Variants in ZC3H12B observed in about 807,000 individuals in gnomAD.
ZC3H12B encodes probable ribonuclease ZC3H12B.
ZC3H12B carries 7 observed loss-of-function variants against 43.9 expected under a neutral mutation model. The ratio of observed to expected loss-of-function variants is 0.16; its 90% CI spans 0.09 to 0.30. The LOEUF (loss-of-function observed/expected upper bound fraction) is 0.30, where lower values mean the gene tolerates loss of function less well. Among genes scored for constraint, ZC3H12B ranks in the 10% least tolerant of loss-of-function variants. ZC3H12B has a pLI of 1.00. For missense variants in ZC3H12B, 475 were observed against 670.2 expected, an observed-to-expected ratio of 0.71 and a Z score of 3.22; for synonymous variants, 222 against 241.7, an observed-to-expected ratio of 0.92 and a Z score of 0.76.
chrX:65,397,704 C>T (rs2148043875), intron 2 of ZC3H12B, among the ~76,000 whole-genome samples: 2 of 111,750 alleles, frequency 1.8e-5, no homozygotes, highest in East Asian at 5.6e-4. Flanking sequence ...GAAAGCCTTT[C>T]TTCTAAGATC....
chrX:65,108,301 T>C, the ZC3H12B span, among the ~76,000 whole-genome samples: 1 of 112,053 alleles, frequency 8.9e-6, no homozygotes, highest in Non-Finnish European at 1.9e-5. Flanking sequence ...TTTTAATTTT[T>C]TAATTTATTT....
At chrX:65,300,227 C>G in the ZC3H12B span, among the ~76,000 whole-genome samples, 8 of 112,219 alleles carry the variant, frequency 7.1e-5, no homozygotes, top group African/African-American at 2.6e-4. Flanking sequence ...AGTCAAGAAA[C>G]CTGAAAGCCC....
At chrX:65,159,748 C>A in the ZC3H12B span, among the ~76,000 whole-genome samples, 1 of 111,689 alleles carries the variant, frequency 9.0e-6, no homozygotes, top group East Asian at 2.8e-4. Context: ...ATTGAATAAC[C>A]TTTATTTCCT....
the ZC3H12B span, among the ~76,000 whole-genome samples, chrX:65,247,277 A>G: frequency 3.6e-5 from 4 of 112,447 alleles, no homozygotes; most frequent in Admixed American, 1.9e-4. Context: ...GAATGCTTAT[A>G]CACTGTTGGC....
At chrX:65,042,753 A>G in the ZC3H12B span, among the ~76,000 whole-genome samples, 1 of 112,033 alleles carries the variant, frequency 8.9e-6, no homozygotes, top group East Asian at 2.8e-4. Context: ...CTTAAAGAAA[A>G]AAAGAGTTTA....
chrX:65,142,837 T>C, the ZC3H12B span, among the ~76,000 whole-genome samples: 5 of 112,406 alleles, frequency 4.4e-5, no homozygotes, highest in African/African-American at 1.6e-4. Context: ...CTGGGTTCTA[T>C]ATTCTGTTTC....
At chrX:65,054,306 C>T in the ZC3H12B span, among the ~76,000 whole-genome samples, 7 of 111,632 alleles carry the variant, frequency 6.3e-5, no homozygotes, top group Admixed American at 6.6e-4. Context: ...GGAAGGGATC[C>T]AGTTTCAGCT....
chrX:65,181,953 G>A, the ZC3H12B span, among the ~76,000 whole-genome samples: 94 of 111,534 alleles, frequency 8.4e-4, no homozygotes, highest in African/African-American at 2.9e-3. Context: ...ATATGTGCAC[G>A]TATGTCTATT....
intron 3 of ZC3H12B, among the ~76,000 whole-genome samples, chrX:65,468,193 C>A (rs1233772018): frequency 1.8e-5 from 2 of 111,671 alleles, no homozygotes; most frequent in Admixed American, 9.5e-5. Context: ...TTTCCCAGCA[C>A]CAATTATTGA....
chrX:65,126,049 G>GTT, the ZC3H12B span, among the ~76,000 whole-genome samples: 10,176 of 94,577 alleles, frequency 0.11, 1,465 homozygotes, highest in African/African-American at 0.36. Flanking sequence ...TTGTGTGTGT[G>GTT]TTTTTTTTTT....
chrX:65,127,095 A>T, the ZC3H12B span, among the ~76,000 whole-genome samples: 1 of 110,765 alleles, frequency 9.0e-6, no homozygotes, highest in Non-Finnish European at 1.9e-5. Flanking sequence ...TATTAATCAG[A>T]ATTGATTTTC....
chrX:65,156,396 T>C, the ZC3H12B span, among the ~76,000 whole-genome samples: 6 of 111,384 alleles, frequency 5.4e-5, no homozygotes, highest in Admixed American at 5.8e-4. Flanking sequence ...TGTTGTTGTT[T>C]TGGAGACAGA....
At chrX:65,102,965 TG>T in the ZC3H12B span, among the ~76,000 whole-genome samples, 1 of 111,319 alleles carries the variant, frequency 9.0e-6, no homozygotes, top group African/African-American at 3.3e-5. Flanking sequence ...ACAAGGCAGA[TG>T]GGGGCAGAGC....
At chrX:65,166,253 A>C in the ZC3H12B span, among the ~76,000 whole-genome samples, 1 of 110,336 alleles carries the variant, frequency 9.1e-6, no homozygotes, top group Admixed American at 9.7e-5. Flanking sequence ...GTCCAAGTGT[A>C]CTCATTGGTT....
the ZC3H12B span, among the ~76,000 whole-genome samples, chrX:65,268,597 C>T: frequency 8.9e-6 from 1 of 112,561 alleles, no homozygotes; most frequent in South Asian, 3.6e-4. Flanking sequence ...TGCAAGGCTG[C>T]ATTAACATAT....
upstream of ZC3H12B, among the ~76,000 whole-genome samples, chrX:65,361,811 T>A (rs780218430): frequency 9.0e-6 from 1 of 111,361 alleles, no homozygotes; most frequent in East Asian, 2.8e-4. Flanking sequence ...TAACCTCGCC[T>A]TCAAGGTGTA....
the ZC3H12B span, among the ~76,000 whole-genome samples, chrX:65,301,520 C>CA: frequency 3.4e-3 from 327 of 97,417 alleles, 1 homozygote; most frequent in Middle Eastern, 0.011. Context: ...ACTATTCAGC[C>CA]AAAAAAAAAA....
At chrX:65,454,102 G>C (rs1285429459) in intron 3 of ZC3H12B, among the ~76,000 whole-genome samples, 1 of 112,551 alleles carries the variant, frequency 8.9e-6, no homozygotes, top group Non-Finnish European at 1.9e-5. Context: ...TCCAAATGAG[G>C]TACCAGGTGC....
the ZC3H12B span, among the ~76,000 whole-genome samples, chrX:65,267,525 A>T: frequency 1.8e-5 from 2 of 111,284 alleles, no homozygotes; most frequent in African/African-American, 6.5e-5. Flanking sequence ...AAATGTCTGT[A>T]AGGAAGCTCA....
Sources: allele counts gnomAD v4.1 joint callset (sites outside exome capture counted in the v4.1 genomes callset), GRCh38; gene constraint gnomAD v4.1.1; transcripts MANE v1.5; gene names NCBI Gene and HGNC (gene_info 2026-07-23, HGNC 2026-07-21).